Variants in TTC28 observed in about 807,000 individuals in gnomAD.
TTC28 encodes the protein tetratricopeptide repeat domain 28.
Under a neutral mutation model 198.0 loss-of-function variants are expected in TTC28, and 61 were observed. That is an observed-to-expected ratio of 0.31 (90% CI 0.25 to 0.38). TTC28 has a LOEUF of 0.38. TTC28 is among the 10% of genes least tolerant of loss of function. The probability of loss-of-function intolerance (pLI) is 1.00; values close to 1 mark genes in which losing one functional copy is unlikely to be tolerated. For synonymous variants in TTC28, 1,171 were observed against 1,297.8 expected, an observed-to-expected ratio of 0.90 and a Z score of 2.10; for missense variants, 2,678 against 3,164.0, an observed-to-expected ratio of 0.85 and a Z score of 3.69.
chr22:28,428,764 G>A (rs1427081958), intron 2 of TTC28, among the ~76,000 whole-genome samples: 9 of 151,474 alleles, frequency 5.9e-5, no homozygotes, highest in Non-Finnish European at 7.4e-5. Context: ...TCAGCCTCCC[G>A]AGTAGCTGGG....
chr22:28,661,553 G>C (rs2051747405), intron 1 of TTC28, among the ~76,000 whole-genome samples: 1 of 152,034 alleles, frequency 6.6e-6, no homozygotes, highest in South Asian at 2.1e-4. Flanking sequence ...CTGAGTAGCT[G>C]GGACTACAGG....
intron 5 of TTC28, among the ~76,000 whole-genome samples, chr22:28,228,409 T>G (rs906725523): frequency 1.3e-5 from 2 of 152,170 alleles, no homozygotes; most frequent in African/African-American, 4.8e-5. Context: ...ATTTTAAAAA[T>G]ACATGTTTGG....
rs759478291 is a variant in TTC28 at position 28,108,194 on chromosome 22, C to T, written c.1651G>A (p.Ala551Thr). The change falls in exon 7 of 23, where the codon GCC becomes ACC. Residue 551 changes from alanine to threonine, a missense_variant. This residue lies in a region of TTC28 where 775 missense variants were observed against 845.9 expected (regional missense o/e 0.92). Coordinates refer to ENST00000397906, the MANE Select transcript of TTC28 (RefSeq NM_001145418.2). ...TTCCCATGTGTGGAGGCCTGTGAGG[C>T]GCGGTCATTCACTTCCATGGAGATC... The part of the protein sequence containing the change: ...LQISMEVNDR[A>T]SQASTHGNLA... The T allele has an allele frequency of 7.1e-6, 11 of 1,551,498 alleles. No homozygotes were observed. The Admixed American group carries it at 1.2e-4, about 17-fold the overall frequency.
intron 2 of TTC28, among the ~76,000 whole-genome samples, chr22:28,372,865 C>G (rs1293520672): frequency 6.6e-6 from 1 of 152,216 alleles, no homozygotes; most frequent in Non-Finnish European, 1.5e-5. Context: ...TTGGACAAAT[C>G]ATTTCCAAAC....
Position 28,126,675 on chromosome 22 carries a change from C to G in TTC28, c.1442-18272G>C, listed in dbSNP as rs185431697. ...AGTTCTGTGTTTTCTGAAACTTTCT[C>G]CACAGAGCAGCTGTGTCTCATAAGA... On this transcript the variant is annotated intron_variant, in intron 6 of 22. Coordinates refer to ENST00000397906, the MANE Select transcript of TTC28 (RefSeq NM_001145418.2). 2.0e-5 allele frequency among the ~76,000 whole-genome samples: 3 copies of G among 152,322 alleles called. No homozygotes were observed. In the East Asian group the frequency reaches 5.8e-4, roughly 29 times the overall value.
At chr22:28,161,211 TTG>T (rs1921136335) in intron 6 of TTC28, among the ~76,000 whole-genome samples, 1 of 152,188 alleles carries the variant, frequency 6.6e-6, no homozygotes, top group Admixed American at 6.5e-5. Context: ...AGAGAAAATT[TTG>T]TATCTGTAAA....
chr22:28,174,418 T>C (rs1922962702), intron 5 of TTC28, among the ~76,000 whole-genome samples: 2 of 152,168 alleles, frequency 1.3e-5, no homozygotes, highest in South Asian at 2.1e-4. Flanking sequence ...AAATAAACCA[T>C]AAGGTTATGT....
intron 2 of TTC28, among the ~76,000 whole-genome samples, chr22:28,340,398 T>A (rs1185911637): frequency 6.6e-6 from 1 of 152,082 alleles, no homozygotes; most frequent in Non-Finnish European, 1.5e-5. Flanking sequence ...ATTTGAGACC[T>A]TGTGATTACC....
intron 1 of TTC28, among the ~76,000 whole-genome samples, chr22:28,650,337 G>A (rs952692227): frequency 6.6e-6 from 1 of 152,134 alleles, no homozygotes; most frequent in African/African-American, 2.4e-5. Flanking sequence ...TATCTACGAT[G>A]TACAAAAATA....
chr22:28,533,896 T>C (rs887905473), intron 2 of TTC28, among the ~76,000 whole-genome samples: 1 of 152,188 alleles, frequency 6.6e-6, no homozygotes, highest in African/African-American at 2.4e-5. Flanking sequence ...TTACCCCTTG[T>C]ACAAAAATTA....
chr22:28,606,411 C>T (rs1347505832), intron 2 of TTC28, among the ~76,000 whole-genome samples: 4 of 151,978 alleles, frequency 2.6e-5, no homozygotes, highest in Non-Finnish European at 5.9e-5. Context: ...TTTAATTGTT[C>T]TAAGTATCTC....
At chr22:28,574,909 T>C (rs1000750098) in intron 2 of TTC28, among the ~76,000 whole-genome samples, 3 of 152,212 alleles carry the variant, frequency 2.0e-5, no homozygotes, top group African/African-American at 7.2e-5. Context: ...TTGAGCTCCT[T>C]ATATATTCTG....
At chr22:28,365,120 G>A (rs1269186641) in intron 2 of TTC28, among the ~76,000 whole-genome samples, 1 of 152,176 alleles carries the variant, frequency 6.6e-6, no homozygotes, top group Non-Finnish European at 1.5e-5. Context: ...CCACTGAACT[G>A]ATTAGTCAGC....
chr22:28,660,596 T>C (rs1489462521), intron 1 of TTC28, among the ~76,000 whole-genome samples: 1 of 152,198 alleles, frequency 6.6e-6, no homozygotes, highest in Non-Finnish European at 1.5e-5. Context: ...GCTATTCGGC[T>C]CACTGCAACC....
At chr22:28,197,469 C>T (rs1252378220) in intron 5 of TTC28, among the ~76,000 whole-genome samples, 1 of 151,584 alleles carries the variant, frequency 6.6e-6, no homozygotes, top group East Asian at 1.9e-4. Context: ...TCTTCAAAAA[C>T]CAGATGGACA....
intron 2 of TTC28, among the ~76,000 whole-genome samples, chr22:28,487,884 T>A (rs553908002): frequency 1.3e-5 from 2 of 152,326 alleles, no homozygotes; most frequent in South Asian, 4.1e-4. Context: ...CTATGGAGAT[T>A]AAGTGAGACC....
chr22:28,571,767 G>A (rs1193349328), intron 2 of TTC28, among the ~76,000 whole-genome samples: 1 of 151,630 alleles, frequency 6.6e-6, no homozygotes, highest in African/African-American at 2.4e-5. Context: ...TGACAAACAT[G>A]GTGAAACCCC....
At chr22:28,040,927 T>A (rs982121758) in intron 12 of TTC28, among the ~76,000 whole-genome samples, 1 of 152,066 alleles carries the variant, frequency 6.6e-6, no homozygotes, top group African/African-American at 2.4e-5. Flanking sequence ...ACACAAGCAT[T>A]CCTCTACACC....
Position 28,679,603 on chromosome 22 carries a change from G to C in TTC28, c.102+19C>G, listed in dbSNP as rs965077806. 4 of 1,438,698 alleles carry C rather than the reference G, an allele frequency of 2.8e-6. No homozygotes were observed. The highest frequency in any genetic ancestry group is 3.7e-6 in the Non-Finnish European group (4 of 1,089,304). 89.1% of individuals were successfully genotyped at this position (1,438,698 alleles called of 1,614,324 possible). A position where few individuals can be genotyped will look rare whatever the true frequency, so the allele number is the denominator to read the frequency against. On this transcript the variant is annotated intron_variant, in intron 1 of 22. Transcript: ENST00000397906. ...TTTCACAAAGAAAGTCTCCCGGCCC[G>C]AGCCCCTCACGCACTCACCGGCGCC... is the stretch of plus-strand genomic sequence containing the variant.
Sources: allele counts gnomAD v4.1 joint callset (sites outside exome capture counted in the v4.1 genomes callset), GRCh38; gene constraint gnomAD v4.1.1; regional missense constraint gnomAD v4.1.1; transcripts MANE v1.5; gene names NCBI Gene and HGNC (gene_info 2026-07-23, HGNC 2026-07-21).